Variants in DOK7 observed in about 807,000 individuals in gnomAD.
DOK7 encodes protein Dok-7.
Under a neutral mutation model 30.7 loss-of-function variants are expected in DOK7, and 32 were observed. The observed-to-expected ratio is 1.04, with a 90% confidence interval of 0.79 to 1.40. DOK7 has a LOEUF of 1.40. Among genes scored for constraint, DOK7 ranks in the 40% most tolerant of loss-of-function variants. The probability of loss-of-function intolerance (pLI) is 0.00; values close to 1 mark genes in which losing one functional copy is unlikely to be tolerated. For missense variants in DOK7, 1,007 were observed against 699.2 expected, an observed-to-expected ratio of 1.44 and a Z score of -4.97; for synonymous variants, 447 against 324.1, an observed-to-expected ratio of 1.38 and a Z score of -4.07.
chr4:3,491,070 C>A (rs1299739539), intron 6 of DOK7, among the ~76,000 whole-genome samples: 3 of 110,182 alleles, frequency 2.7e-5, no homozygotes, highest in Non-Finnish European at 3.6e-5. Context: ...CGGCTCATTC[C>A]TTCCTTCTCC....
chr4:3,463,654 C>A (rs1209379741), intron 2 of DOK7, 103 bp downstream of exon 2: 64 of 1,419,662 alleles, frequency 4.5e-5, no homozygotes, highest in Non-Finnish European at 5.9e-5. Flanking sequence ...GCCGCTGTCA[C>A]CCCGCCGGGA....
At chr4:3,476,272 C>CAA in intron 3 of DOK7, 70 bp from the exon 4 acceptor site, 1 of 566,992 alleles carries the variant, frequency 1.8e-6, no homozygotes, top group Non-Finnish European at 2.6e-6. Context: ...GATGCCCTCT[C>CAA]ACCCCACCCG....
At chr4:3,479,466 C>T (rs1383525924) in intron 4 of DOK7, among the ~76,000 whole-genome samples, 2 of 152,268 alleles carry the variant, frequency 1.3e-5, no homozygotes, top group East Asian at 3.8e-4. Flanking sequence ...TCGTCACATT[C>T]AGTCTGGAGG....
chr4:3,499,919 C>T (rs1419550877), intron 6 of DOK7, among the ~76,000 whole-genome samples: 9 of 148,240 alleles, frequency 6.1e-5, no homozygotes, highest in African/African-American at 1.0e-4. Flanking sequence ...AGGTGCGGGG[C>T]GAGGGGCGCA....
At chr4:3,487,841 G>A (rs1055644954) in intron 5 of DOK7, among the ~76,000 whole-genome samples, 2 of 152,206 alleles carry the variant, frequency 1.3e-5, no homozygotes, top group Admixed American at 6.5e-5. Flanking sequence ...GGCCCTGGTC[G>A]GAATGTCCCA....
At chr4:3,482,448 A>G (rs906176971) in intron 4 of DOK7, among the ~76,000 whole-genome samples, 2 of 152,328 alleles carry the variant, frequency 1.3e-5, no homozygotes, top group African/African-American at 2.4e-5. Context: ...GGGCTTCTCA[A>G]TAGGTTCCAA....
downstream of DOK7, among the ~76,000 whole-genome samples, chr4:3,495,459 G>A (rs1456051121): frequency 6.6e-6 from 1 of 152,248 alleles, no homozygotes; most frequent in Non-Finnish European, 1.5e-5. Flanking sequence ...CCTCTTGCCT[G>A]GCGGGGCTGG....
chr4:3,491,309 GCCTT>G lies in DOK7; in HGVS notation c.773-1448_773-1445del, dbSNP rs1560229149. On this transcript the variant is annotated intron_variant, in intron 6 of 6. Transcript: ENST00000340083. Reference sequence around the variant, plus strand: ...TCCGCCCCCCCGCTCATTCATTCCTGCCTTCTCCCCCTGCTCATTCATTCCTTCC... The same window carrying G: ...TCCGCCCCCCCGCTCATTCATTCCTGCTCCCCCTGCTCATTCATTCCTTCC... 1.6e-3 allele frequency among the ~76,000 whole-genome samples: 35 copies of G among 21,410 alleles called. 1 individual carries two copies. The highest frequency in any genetic ancestry group is 5.3e-3 in the African/African-American group (33 of 6,256). 14.0% of individuals were successfully genotyped at this position (21,410 alleles called of 152,430 possible). A position where few individuals can be genotyped will look rare whatever the true frequency, so the allele number is the denominator to read the frequency against.
chr4:3,468,950 T>A (rs974572471), intron 2 of DOK7, among the ~76,000 whole-genome samples: 1 of 146,982 alleles, frequency 6.8e-6, no homozygotes, highest in African/African-American at 2.6e-5. Flanking sequence ...TGTGCACGTG[T>A]GAGTGTGGTG....
intron 5 of DOK7, among the ~76,000 whole-genome samples, chr4:3,489,144 G>C (rs762865): frequency 0.045 from 6,869 of 152,264 alleles, 193 homozygotes; most frequent in Admixed American, 0.068. Flanking sequence ...GTGGGGCCGA[G>C]GGTCCGCAGA....
At chr4:3,495,817 G>A (rs905766073), downstream of DOK7, among the ~76,000 whole-genome samples, 3 of 152,298 alleles carry the variant, frequency 2.0e-5, no homozygotes, top group East Asian at 1.9e-4. Context: ...CTGGGGAGGG[G>A]CCCTCTCAGG....
exon 8 of DOK7, chr4:3,500,713 C>T: frequency 6.5e-7 from 1 of 1,535,508 alleles, no homozygotes; most frequent in Non-Finnish European, 8.7e-7. Context: ...TCCCTCTACG[C>T]CCAGATCGAC....
intron 4 of DOK7, among the ~76,000 whole-genome samples, chr4:3,480,582 A>T (rs979963764): frequency 3.3e-5 from 5 of 152,332 alleles, no homozygotes; most frequent in Admixed American, 1.3e-4. Flanking sequence ...CAGTCCAGCC[A>T]AGGCAACAGA....
In DOK7 at chr4:3,476,560, G is replaced by A. The variant is rs200487431; in HGVS notation, c.532+18G>A. 1.2e-3 allele frequency: 2,013 copies of A among 1,613,602 alleles called. 6 individuals are homozygous for A. Among genetic ancestry groups the A allele is most frequent in the Admixed American group, 2.5e-3 (152 of 60,032 alleles). ...TGGGTACTGTAAGTACGGATGTGTGGGGTCACTGGGCAGCAGCAGCACCCC... is the reference window on the plus strand; with the variant it reads ...TGGGTACTGTAAGTACGGATGTGTGAGGTCACTGGGCAGCAGCAGCACCCC... On this transcript the variant is annotated intron_variant, in intron 4 of 6. Transcript: ENST00000340083.
At chr4:3,497,624 C>A (rs1577191175), downstream of DOK7, among the ~76,000 whole-genome samples, 1 of 152,072 alleles carries the variant, frequency 6.6e-6, no homozygotes, top group African/African-American at 2.4e-5. Context: ...ACCTTGGATT[C>A]CTCAATCCCT....
At chr4:3,474,256 T>C (rs1285693223) in intron 3 of DOK7, among the ~76,000 whole-genome samples, 3 of 152,064 alleles carry the variant, frequency 2.0e-5, no homozygotes, top group Non-Finnish European at 4.4e-5. Context: ...CTGCATCTCC[T>C]AAGAAACCAA....
chr4:3,491,156 CCTT>C (rs969213222), intron 6 of DOK7, among the ~76,000 whole-genome samples: 3 of 105,756 alleles, frequency 2.8e-5, no homozygotes, highest in East Asian at 3.5e-4. Flanking sequence ...TTCCTTCCTT[CCTT>C]CTTCCTCCTG....
chr4:3,491,233 C>CTCTT (rs1491381086), intron 6 of DOK7, among the ~76,000 whole-genome samples: 2 of 126,432 alleles, frequency 1.6e-5, no homozygotes, highest in African/African-American at 6.4e-5. Context: ...TCTCCCGCTG[C>CTCTT]TCTTTCATTC....
downstream of DOK7, among the ~76,000 whole-genome samples, chr4:3,495,701 A>G (rs956791077): frequency 6.6e-6 from 1 of 151,982 alleles, no homozygotes; most frequent in Non-Finnish European, 1.5e-5. Flanking sequence ...TGTTTTCTTG[A>G]CGGCCCTGGA....
Sources: gnomAD v4.1 joint callset for allele counts (sites outside exome capture counted in the v4.1 genomes callset) on GRCh38, gnomAD v4.1.1 for gene constraint, MANE v1.5 for transcripts, NCBI Gene and HGNC (gene_info 2026-07-23, HGNC 2026-07-21) for gene names.